GPC5: variants seen among roughly 807,000 people sequenced by gnomAD.
GPC5 encodes glypican 5.
Under a neutral mutation model 53.9 loss-of-function variants are expected in GPC5, and 47 were observed. That is an observed-to-expected ratio of 0.87 (90% CI 0.69 to 1.11). GPC5 has a LOEUF of 1.11. Ranked by LOEUF, GPC5 falls within the 50% of genes most tolerant of loss-of-function variation. GPC5 has a pLI of 0.00. For synonymous variants in GPC5, 286 were observed against 263.3 expected (o/e 1.09, Z -0.84); for missense variants, 748 against 713.1 (o/e 1.05, Z -0.56).
At chr13:91,756,208 A>T (rs2037288002) in intron 4 of GPC5, 87 bp from the exon 5 acceptor site, 8 of 964,370 alleles carry the variant, frequency 8.3e-6, no homozygotes, top group Non-Finnish European at 1.1e-5. Context: ...TTATATCCTA[A>T]ACATTATGTA....
intron 6 of GPC5, among the ~76,000 whole-genome samples, chr13:92,134,986 T>G (rs1447553215): frequency 6.6e-6 from 1 of 152,184 alleles, no homozygotes; most frequent in Non-Finnish European, 1.5e-5. Context: ...GTCACACATC[T>G]AATTATTTCA....
chr13:92,669,477 G>T (rs1886677199), intron 7 of GPC5, among the ~76,000 whole-genome samples: 1 of 152,100 alleles, frequency 6.6e-6, no homozygotes, highest in South Asian at 2.1e-4. Flanking sequence ...ATTCTTGACA[G>T]ATGAAACTGA....
At chr13:92,630,119 G>A (rs889202437) in intron 7 of GPC5, among the ~76,000 whole-genome samples, 1 of 152,134 alleles carries the variant, frequency 6.6e-6, no homozygotes, top group African/African-American at 2.4e-5. Flanking sequence ...GAATGAGAAA[G>A]ATTGATTTGA....
intron 7 of GPC5, among the ~76,000 whole-genome samples, chr13:92,504,358 G>A (rs1880292535): frequency 6.6e-6 from 1 of 151,894 alleles, no homozygotes; most frequent in Non-Finnish European, 1.5e-5. Flanking sequence ...AACAAATGGA[G>A]AGTTATCACA....
intron 7 of GPC5, among the ~76,000 whole-genome samples, chr13:92,535,763 T>G (rs1043122287): frequency 6.6e-6 from 1 of 152,090 alleles, no homozygotes; most frequent in South Asian, 2.1e-4. Flanking sequence ...TTATTTGCCT[T>G]AGAAATTTCA....
At chr13:92,770,002 A>G (rs1221825969) in intron 7 of GPC5, among the ~76,000 whole-genome samples, 4 of 152,224 alleles carry the variant, frequency 2.6e-5, no homozygotes. Context: ...TCAGTTGATT[A>G]CTGAGTTAAT....
At chr13:92,327,947 A>G in intron 7 of GPC5, among the ~76,000 whole-genome samples, 1 of 152,122 alleles carries the variant, frequency 6.6e-6, no homozygotes, top group Non-Finnish European at 1.5e-5. Flanking sequence ...CCTCAAATCC[A>G]AAGCCCAGCA....
In GPC5 at chr13:92,578,767, C is replaced by T. The variant is rs189817074; in HGVS notation, c.1562-287515C>T. On this transcript the variant is annotated intron_variant, in intron 7 of 7. Transcript: ENST00000377067. ...ATACCCAGGAATAATGTTTTGCCAGCTATCTGTGTATTCCTGAACCCAGTC... is the reference window on the plus strand; with the variant it reads ...ATACCCAGGAATAATGTTTTGCCAGTTATCTGTGTATTCCTGAACCCAGTC... Among the ~76,000 whole-genome samples the T allele has an allele frequency of 2.0e-5, 3 of 152,318 alleles. No homozygotes were observed. In the East Asian group the frequency reaches 5.8e-4, roughly 29 times the overall value.
intron 5 of GPC5, among the ~76,000 whole-genome samples, chr13:91,762,415 A>C (rs1050011356): frequency 1.3e-5 from 2 of 151,392 alleles, no homozygotes; most frequent in Admixed American, 1.3e-4. Context: ...TTTCCTATTT[A>C]ACATCTGTCC....
intron 7 of GPC5, among the ~76,000 whole-genome samples, chr13:92,416,560 C>T (rs576438119): frequency 7.9e-5 from 12 of 152,174 alleles, no homozygotes; most frequent in South Asian, 2.1e-4. Context: ...ACACCATATA[C>T]GAAAAATTAA....
chr13:92,512,116 T>G (rs1270765628), intron 7 of GPC5, among the ~76,000 whole-genome samples: 1 of 152,212 alleles, frequency 6.6e-6, no homozygotes, highest in Non-Finnish European at 1.5e-5. Flanking sequence ...CCATGAGATA[T>G]TGATGATTTT....
At chr13:91,430,576 G>C (rs1300287746) in intron 1 of GPC5, among the ~76,000 whole-genome samples, 1 of 152,150 alleles carries the variant, frequency 6.6e-6, no homozygotes, top group African/African-American at 2.4e-5. Context: ...GAGTTTTTGA[G>C]GGTGCTCACC....
At chr13:91,530,121 G>A (rs919660895) in intron 2 of GPC5, among the ~76,000 whole-genome samples, 4 of 152,154 alleles carry the variant, frequency 2.6e-5, no homozygotes, top group Non-Finnish European at 4.4e-5. Context: ...ACCATTTTGC[G>A]AAACCTTCTT....
intron 7 of GPC5, among the ~76,000 whole-genome samples, chr13:92,304,943 T>C (rs1001560583): frequency 6.6e-6 from 1 of 152,204 alleles, no homozygotes; most frequent in Admixed American, 6.5e-5. Context: ...ATGTGAAGTG[T>C]ATACAGCCCT....
chr13:91,685,555 C>T (rs369374789), intron 2 of GPC5, among the ~76,000 whole-genome samples: 8 of 152,132 alleles, frequency 5.3e-5, no homozygotes, highest in African/African-American at 1.7e-4. Flanking sequence ...TCTTTTATCC[C>T]TCTGTAATAC....
At chr13:91,969,968 T>C (rs1360941056) in intron 6 of GPC5, among the ~76,000 whole-genome samples, 2 of 152,188 alleles carry the variant, frequency 1.3e-5, no homozygotes, top group East Asian at 1.9e-4. Flanking sequence ...TGCACTCCCA[T>C]GTTGTTTTTG....
rs542330879 is a variant in GPC5, at chr13:92,618,950, G to C, written c.1562-247332G>C. On this transcript the variant is annotated intron_variant, in intron 7 of 7. Transcript: ENST00000377067. ...CTTTCTATATTGACTCACATGTTCAGTAACCAAAAATAAATTTAGTCACAT... is the reference window on the plus strand; with the variant it reads ...CTTTCTATATTGACTCACATGTTCACTAACCAAAAATAAATTTAGTCACAT... Among the ~76,000 whole-genome samples, 7 of 152,012 alleles carry C rather than the reference G, an allele frequency of 4.6e-5. No homozygotes were observed. In the South Asian group the frequency reaches 1.5e-3, roughly 31 times the overall value.
chr13:92,460,206 G>T (rs1440196952), intron 7 of GPC5, among the ~76,000 whole-genome samples: 1 of 151,990 alleles, frequency 6.6e-6, no homozygotes, highest in African/African-American at 2.4e-5. Flanking sequence ...CAATTACAGT[G>T]CATTAGATAT....
chr13:91,447,730 T>C (rs1346920470), intron 1 of GPC5, among the ~76,000 whole-genome samples: 1 of 152,182 alleles, frequency 6.6e-6, no homozygotes. Context: ...GATCTAAAAT[T>C]AGTTGATGAA....
Sources: allele counts gnomAD v4.1 joint callset (sites outside exome capture counted in the v4.1 genomes callset), GRCh38; gene constraint gnomAD v4.1.1; transcripts MANE v1.5; gene names NCBI Gene and HGNC (gene_info 2026-07-23, HGNC 2026-07-21).